The following FHIT variants were observed in gnomAD, a reference collection of about 807,000 sequenced individuals.
The protein encoded by FHIT is fragile histidine triad diadenosine triphosphatase, also known as bis(5'-adenosyl)-triphosphatase.
FHIT carries 19 observed loss-of-function variants against 17.9 expected under a neutral mutation model. The ratio of observed to expected loss-of-function variants is 1.06; its 90% confidence interval spans 0.74 to 1.56. The LOEUF (loss-of-function observed/expected upper bound fraction) is 1.56, where lower values mean the gene tolerates loss of function less well. FHIT is among the 40% of genes most tolerant of loss of function. The pLI is 0.00. For missense variants in FHIT, 248 were observed against 189.2 expected (o/e 1.31, Z -1.82); for synonymous variants, 81 against 69.7 (o/e 1.16, Z -0.81).
intron 2 of FHIT, among the ~76,000 whole-genome samples, chr3:61,136,211 C>T (rs562532517): frequency 2.0e-5 from 3 of 152,048 alleles, no homozygotes; most frequent in Non-Finnish European, 4.4e-5. Context: ...ACCACCACCA[C>T]CGTCACCACG....
At chr3:60,563,027 G>A (rs1198440998) in intron 4 of FHIT, among the ~76,000 whole-genome samples, 1 of 152,094 alleles carries the variant, frequency 6.6e-6, no homozygotes, top group Non-Finnish European at 1.5e-5. Context: ...CCTATAAAAT[G>A]GCTAGCCTTT....
chr3:60,230,006 G>A (rs1446299906), intron 5 of FHIT, among the ~76,000 whole-genome samples: 4 of 152,144 alleles, frequency 2.6e-5, no homozygotes, highest in Admixed American at 6.5e-5. Flanking sequence ...AGAATTAAGT[G>A]TAATCGGCCA....
At chr3:60,522,924 AG>A (rs1415935462) in intron 5 of FHIT, among the ~76,000 whole-genome samples, 1 of 152,184 alleles carries the variant, frequency 6.6e-6, no homozygotes, top group Non-Finnish European at 1.5e-5. Context: ...AAAGAAAAAG[AG>A]GTTTAATAGA....
intron 5 of FHIT, among the ~76,000 whole-genome samples, chr3:60,041,622 C>T (rs1701442725): frequency 6.6e-6 from 1 of 152,134 alleles, no homozygotes; most frequent in African/African-American, 2.4e-5. Flanking sequence ...CTTCTGTCAA[C>T]CCAGAGATGA....
At chr3:60,472,777 A>G (rs559175265) in intron 5 of FHIT, among the ~76,000 whole-genome samples, 2 of 152,308 alleles carry the variant, frequency 1.3e-5, no homozygotes, top group African/African-American at 2.4e-5. Context: ...GACAGGAGAG[A>G]AAAATGACTT....
chr3:60,772,965 C>T (rs140862342), intron 4 of FHIT, among the ~76,000 whole-genome samples: 192 of 152,268 alleles, frequency 1.3e-3, no homozygotes, highest in African/African-American at 4.1e-3. Flanking sequence ...GCCATCCCTA[C>T]GCCTTCGCCC....
At chr3:60,460,966 A>C (rs2032423498) in intron 5 of FHIT, among the ~76,000 whole-genome samples, 1 of 152,218 alleles carries the variant, frequency 6.6e-6, no homozygotes, top group Non-Finnish European at 1.5e-5. Flanking sequence ...TATTTAAAGG[A>C]AATATATTTT....
At chr3:59,836,181 T>C (rs915834218) in intron 8 of FHIT, among the ~76,000 whole-genome samples, 2 of 152,130 alleles carry the variant, frequency 1.3e-5, no homozygotes, top group Admixed American at 6.6e-5. Context: ...AAAAGTTTCT[T>C]GCTAGATGCT....
chr3:60,125,826 T>TA (rs1453438130), intron 5 of FHIT, among the ~76,000 whole-genome samples: 3 of 152,012 alleles, frequency 2.0e-5, no homozygotes, highest in Non-Finnish European at 2.9e-5. Context: ...GTGAGTACAC[T>TA]AAAAAAACAA....
intron 3 of FHIT, among the ~76,000 whole-genome samples, chr3:60,823,857 T>A (rs1255606148): frequency 6.6e-6 from 1 of 152,134 alleles, no homozygotes; most frequent in African/African-American, 2.4e-5. Flanking sequence ...GGGACAACCA[T>A]GATGATGGCT....
intron 7 of FHIT, among the ~76,000 whole-genome samples, chr3:59,993,306 C>G (rs145076178): frequency 8.6e-4 from 131 of 152,194 alleles, no homozygotes; most frequent in African/African-American, 3.0e-3. Flanking sequence ...ACACCTTCTT[C>G]ACCTGGAGCT....
At chr3:60,585,199 A>T (rs1004017434) in intron 4 of FHIT, among the ~76,000 whole-genome samples, 4 of 152,002 alleles carry the variant, frequency 2.6e-5, no homozygotes, top group African/African-American at 9.7e-5. Flanking sequence ...TGAGTGGCCT[A>T]TAACTAATTC....
chr3:61,054,170 A>AG (rs1183482102), intron 2 of FHIT, among the ~76,000 whole-genome samples: 1 of 152,200 alleles, frequency 6.6e-6, no homozygotes, highest in Non-Finnish European at 1.5e-5. Flanking sequence ...CAATCCCAAC[A>AG]GGAAAAACAC....
rs1220817643 is a variant in FHIT at position 60,660,727 on chromosome 3, C to CTTTTTTTTTTTTTTTTTTTTTTTTTTTTT, written c.-17-123749_-17-123748insAAAAAAAAAAAAAAAAAAAAAAAAAAAAA. On this transcript the variant is annotated intron_variant, in intron 4 of 9. Transcript: ENST00000492590. ...ATGATGTGGAATATCTTTTATTGTGCTCTTTTTTTTTTTTTTTTTTTTTGC... is the reference window on the plus strand; with the variant it reads ...ATGATGTGGAATATCTTTTATTGTGCTTTTTTTTTTTTTTTTTTTTTTTTTTTTTTCTTTTTTTTTTTTTTTTTTTTTGC... Among the ~76,000 whole-genome samples, 11 of 16,728 alleles carry CTTTTTTTTTTTTTTTTTTTTTTTTTTTTT rather than the reference C, an allele frequency of 6.6e-4. 1 individual carries two copies. The highest frequency in any genetic ancestry group is 1.2e-3 in the African/African-American group (9 of 7,314). 11.0% of individuals were successfully genotyped at this position (16,728 alleles called of 152,430 possible).
intron 3 of FHIT, among the ~76,000 whole-genome samples, chr3:60,926,997 C>T (rs573583542): frequency 3.3e-5 from 5 of 152,292 alleles, no homozygotes; most frequent in East Asian, 1.9e-4. Flanking sequence ...CCGCTTTCCA[C>T]GGTGCCCCCC....
intron 5 of FHIT, among the ~76,000 whole-genome samples, chr3:60,416,922 T>TA (rs1377755011): frequency 8.6e-5 from 13 of 151,596 alleles, no homozygotes; most frequent in African/African-American, 2.4e-4. Flanking sequence ...CCGTCTCTAC[T>TA]AAAAAAATAC....
chr3:61,092,334 A>G (rs1256180768), intron 2 of FHIT, among the ~76,000 whole-genome samples: 1 of 152,124 alleles, frequency 6.6e-6, no homozygotes, highest in Non-Finnish European at 1.5e-5. Context: ...TTACATCCCA[A>G]CGACCCACTA....
At chr3:60,740,444 C>A (rs908233541) in intron 4 of FHIT, among the ~76,000 whole-genome samples, 2 of 152,152 alleles carry the variant, frequency 1.3e-5, no homozygotes, top group African/African-American at 2.4e-5. Context: ...GAACACAATG[C>A]CTCCCACAAA....
chr3:60,413,677 T>G (rs960586951), intron 5 of FHIT, among the ~76,000 whole-genome samples: 1 of 152,164 alleles, frequency 6.6e-6, no homozygotes, highest in Non-Finnish European at 1.5e-5. Context: ...TGTGTGTATG[T>G]GTATGTGGCT....
Sources: gnomAD v4.1 joint callset for allele counts (sites outside exome capture counted in the v4.1 genomes callset) on GRCh38, gnomAD v4.1.1 for gene constraint, MANE v1.5 for transcripts, NCBI Gene and HGNC (gene_info 2026-07-23, HGNC 2026-07-21) for gene names.